Variants in ZCCHC7 observed in about 807,000 individuals in gnomAD.
ZCCHC7 encodes zinc finger CCHC-type containing 7, also known as zinc finger CCHC domain-containing protein 7.
A neutral mutation model predicts 52.0 loss-of-function variants in ZCCHC7; 35 were observed. The observed-to-expected ratio is 0.67, with a 90% CI of 0.51 to 0.89. The LOEUF (loss-of-function observed/expected upper bound fraction) is 0.89, where lower values mean the gene tolerates loss of function less well. ZCCHC7 is among the 40% of genes least tolerant of loss of function. The pLI, the probability that ZCCHC7 is intolerant of heterozygous loss-of-function variation, is 0.00. For missense variants in ZCCHC7, 574 were observed against 649.1 expected, an observed-to-expected ratio of 0.88 and a Z score of 1.26; for synonymous variants, 217 against 221.5, an observed-to-expected ratio of 0.98 and a Z score of 0.18.
chr9:37,164,492 GATAGATAGA>G lies in ZCCHC7; in HGVS notation c.610+37551_610+37559del, dbSNP rs2132931416. ...AGATAGATAGATAGATAGATAGATAGATAGATAGACAGACAAGATAGATAGACTCTGTCT... is the reference window on the plus strand; with the variant it reads ...AGATAGATAGATAGATAGATAGATAGCAGACAAGATAGATAGACTCTGTCT... On this transcript the variant is annotated intron_variant, in intron 2 of 8. Coordinates refer to ENST00000336755, the MANE Select transcript of ZCCHC7 (RefSeq NM_032226.3). Among the ~76,000 whole-genome samples the G allele has an allele frequency of 5.3e-5, 8 of 149,834 alleles. No individual in the cohort carries two copies. The South Asian group carries it at 1.7e-3, about 33-fold the overall frequency.
intron 2 of ZCCHC7, among the ~76,000 whole-genome samples, chr9:37,138,232 A>G (rs1158749857): frequency 1.3e-5 from 2 of 152,172 alleles, no homozygotes; most frequent in African/African-American, 2.4e-5. Context: ...GAGAGAAGAA[A>G]TAAAAATGTT....
chr9:37,260,413 C>T (rs1450098550), intron 2 of ZCCHC7, among the ~76,000 whole-genome samples: 4 of 152,226 alleles, frequency 2.6e-5, no homozygotes, highest in African/African-American at 9.6e-5. Context: ...CATATTTCCT[C>T]TGTTCTGTGC....
chr9:37,242,795 ATTGC>A (rs1228398700), intron 2 of ZCCHC7, among the ~76,000 whole-genome samples: 1 of 151,842 alleles, frequency 6.6e-6, no homozygotes, highest in Non-Finnish European at 1.5e-5. Flanking sequence ...TCTATTAAGA[ATTGC>A]TTTTAAATTA....
chr9:37,274,252 A>G (rs536797502), intron 2 of ZCCHC7, among the ~76,000 whole-genome samples: 1 of 151,080 alleles, frequency 6.6e-6, no homozygotes, highest in South Asian at 2.1e-4. Context: ...GAACCATTTG[A>G]GATTAGAGCA....
At chr9:37,186,858 CTG>C in intron 2 of ZCCHC7, 1 of 356,630 alleles carries the variant, frequency 2.8e-6, no homozygotes, top group Non-Finnish European at 5.4e-6. Flanking sequence ...TGCACCTACT[CTG>C]TAACCTAACT....
At chr9:37,313,238 A>G (rs535370165) in intron 5 of ZCCHC7, among the ~76,000 whole-genome samples, 3 of 152,216 alleles carry the variant, frequency 2.0e-5, no homozygotes, top group East Asian at 3.8e-4. Flanking sequence ...TTGTCTTACA[A>G]AATTGTTGTA....
At chr9:37,254,423 T>C (rs1768643542) in intron 2 of ZCCHC7, among the ~76,000 whole-genome samples, 1 of 151,984 alleles carries the variant, frequency 6.6e-6, no homozygotes, top group Admixed American at 6.6e-5. Context: ...GAATCTCATC[T>C]GGGATAATTG....
At chr9:37,152,113 C>A (rs1382160366) in intron 2 of ZCCHC7, among the ~76,000 whole-genome samples, 2 of 152,278 alleles carry the variant, frequency 1.3e-5, no homozygotes, top group East Asian at 3.9e-4. Flanking sequence ...AAGAATTTCT[C>A]TCCCTGGAGT....
intron 5 of ZCCHC7, among the ~76,000 whole-genome samples, chr9:37,319,008 G>A (rs1053250444): frequency 1.3e-5 from 2 of 150,714 alleles, no homozygotes; most frequent in Admixed American, 6.6e-5. Context: ...AGGAATTATA[G>A]ATGTTTTATC....
At chr9:37,179,140 A>G (rs760637640) in intron 2 of ZCCHC7, among the ~76,000 whole-genome samples, 1 of 152,178 alleles carries the variant, frequency 6.6e-6, no homozygotes, top group Non-Finnish European at 1.5e-5. Context: ...GTAAATTTTC[A>G]TTGAGTCACT....
At chr9:37,334,026 T>A (rs1273380660) in intron 6 of ZCCHC7, 1 of 151,898 alleles carries the variant, frequency 6.6e-6, no homozygotes, top group African/African-American at 2.4e-5. Context: ...CAGTTTACCA[T>A]TGTACAGTAT....
At chr9:37,133,856 C>T (rs540245631) in intron 2 of ZCCHC7, among the ~76,000 whole-genome samples, 2 of 152,116 alleles carry the variant, frequency 1.3e-5, no homozygotes, top group African/African-American at 4.8e-5. Context: ...CCCAAAGTGC[C>T]AGAATTATAG....
At chr9:37,280,671 T>A (rs1243787871) in intron 2 of ZCCHC7, among the ~76,000 whole-genome samples, 1 of 152,108 alleles carries the variant, frequency 6.6e-6, no homozygotes, top group African/African-American at 2.4e-5. Context: ...ACTACTAAAT[T>A]AAAAATTCAT....
intron 2 of ZCCHC7, among the ~76,000 whole-genome samples, chr9:37,235,587 C>G (rs1323679223): frequency 7.9e-6 from 1 of 126,896 alleles, no homozygotes; most frequent in African/African-American, 2.9e-5. Context: ...CCTTCCCTTC[C>G]CTGTCCTTTT....
At chr9:37,319,302 T>C (rs1829959870) in intron 5 of ZCCHC7, among the ~76,000 whole-genome samples, 1 of 152,190 alleles carries the variant, frequency 6.6e-6, no homozygotes, top group South Asian at 2.1e-4. Context: ...TTTCAAAATA[T>C]TTTTTTCTAG....
Position 37,178,399 on chromosome 9 carries a change from TA to T in ZCCHC7, c.610+51458del, listed in dbSNP as rs1822166150. Among the ~76,000 whole-genome samples, 4 of 27,570 alleles carry T rather than the reference TA, an allele frequency of 1.5e-4. No homozygotes were observed. In the Admixed American group the frequency reaches 1.9e-3, roughly 13 times the overall value. 18.1% of individuals were successfully genotyped at this position (27,570 alleles called of 152,430 possible). Reference sequence around the variant, plus strand: ...CATTGCTTCCCCACTGGCCGCCCCCTACCCCCCACCAAAAAAAAAAAAAAAG... The same window carrying T: ...CATTGCTTCCCCACTGGCCGCCCCCTCCCCCCACCAAAAAAAAAAAAAAAG... On this transcript the variant is annotated intron_variant, in intron 2 of 8. Transcript: ENST00000336755.
chr9:37,311,194 C>G (rs568451505), intron 5 of ZCCHC7, among the ~76,000 whole-genome samples: 1 of 152,126 alleles, frequency 6.6e-6, no homozygotes, highest in Admixed American at 6.5e-5. Flanking sequence ...GTTCAGATTG[C>G]CATCCTTTTT....
chr9:37,251,433 A>T lies in ZCCHC7; in HGVS notation c.611-50755A>T, dbSNP rs990690613. ...TACCTACTGAATTAGTCAAAGCTCT[A>T]GCTAAAACCATTTTTTTCTTTACCT... On this transcript the variant is annotated intron_variant, in intron 2 of 8. Coordinates refer to ENST00000336755, the MANE Select transcript of ZCCHC7 (RefSeq NM_032226.3). 8.5e-5 allele frequency among the ~76,000 whole-genome samples: 13 copies of T among 152,260 alleles called. No homozygotes were observed. The East Asian group carries it at 2.5e-3, about 29-fold the overall frequency.
intron 2 of ZCCHC7, among the ~76,000 whole-genome samples, chr9:37,296,959 T>C (rs1021671704): frequency 6.7e-6 from 1 of 148,264 alleles, no homozygotes; most frequent in Non-Finnish European, 1.5e-5. Flanking sequence ...CTATGTTACC[T>C]AAGCTAGGCT....
Sources: allele counts gnomAD v4.1 joint callset (sites outside exome capture counted in the v4.1 genomes callset), GRCh38; gene constraint gnomAD v4.1.1; transcripts MANE v1.5; gene names NCBI Gene and HGNC (gene_info 2026-07-23, HGNC 2026-07-21).